Variants in PHF24 observed in about 807,000 individuals in gnomAD.
The protein encoded by PHF24 is Galpha inhibitory interacting protein.
A neutral mutation model predicts 42.6 loss-of-function variants in PHF24; 25 were observed. The observed-to-expected ratio is 0.59, with a 90% CI of 0.43 to 0.82. PHF24 has a LOEUF of 0.82. Among genes scored for constraint, PHF24 ranks in the 40% least tolerant of loss-of-function variants. The probability of loss-of-function intolerance (pLI) is 0.00; values close to 1 mark genes in which losing one functional copy is unlikely to be tolerated. For missense variants in PHF24, 470 were observed against 538.1 expected (o/e 0.87, Z 1.25); for synonymous variants, 185 against 204.8 (o/e 0.90, Z 0.83).
chr9:34,958,064 G>A (rs903109780), upstream of PHF24, among the ~76,000 whole-genome samples: 2 of 149,876 alleles, frequency 1.3e-5, no homozygotes, highest in South Asian at 2.1e-4. The surrounding 1 kb of genome is among the most constrained non-coding windows in gnomAD (Gnocchi z 4.5). Flanking sequence ...ACGCCCGCGC[G>A]CCCGTCGCCG....
chr9:34,792,791 T>G, the PHF24 span, among the ~76,000 whole-genome samples: 1 of 152,216 alleles, frequency 6.6e-6, no homozygotes, highest in Non-Finnish European at 1.5e-5. Context: ...TATCCAGATA[T>G]TCTAACCTTG....
the PHF24 span, among the ~76,000 whole-genome samples, chr9:34,841,094 G>A: frequency 6.6e-6 from 1 of 152,016 alleles, no homozygotes; most frequent in Admixed American, 6.5e-5. Flanking sequence ...CCGCCTCCCG[G>A]GTTCATGCCA....
At chr9:34,699,823 A>G in the PHF24 span, among the ~76,000 whole-genome samples, 1 of 152,272 alleles carries the variant, frequency 6.6e-6, no homozygotes, top group South Asian at 2.1e-4. Flanking sequence ...CTGCTCTTGC[A>G]GAGTTGTTAT....
the PHF24 span, among the ~76,000 whole-genome samples, chr9:34,666,839 G>A: frequency 3.9e-5 from 6 of 152,214 alleles, no homozygotes; most frequent in South Asian, 1.0e-3. Context: ...CCAGCTACTC[G>A]GGAGGCTGAG....
chr9:34,775,923 T>A, the PHF24 span, among the ~76,000 whole-genome samples: 13 of 152,184 alleles, frequency 8.5e-5, no homozygotes, highest in Admixed American at 3.3e-4. Context: ...TAAAAAGGAA[T>A]GAAGTAGTTA....
the PHF24 span, among the ~76,000 whole-genome samples, chr9:34,731,477 T>C: frequency 6.6e-6 from 1 of 151,818 alleles, no homozygotes; most frequent in Non-Finnish European, 1.5e-5. Context: ...CTGGTAACCA[T>C]CATTCTATTC....
the PHF24 span, among the ~76,000 whole-genome samples, chr9:34,795,925 C>T: frequency 2.7e-5 from 4 of 150,886 alleles, no homozygotes; most frequent in African/African-American, 7.3e-5. Context: ...TCACTTGAGC[C>T]GAGGAGGTTG....
the PHF24 span, chr9:34,725,686 C>G: frequency 6.6e-7 from 1 of 1,519,098 alleles, no homozygotes; most frequent in South Asian, 1.3e-5. Context: ...AGGCTTCATA[C>G]TCAGCCAGAG....
At chr9:34,741,240 A>G in the PHF24 span, among the ~76,000 whole-genome samples, 1 of 151,650 alleles carries the variant, frequency 6.6e-6, no homozygotes, top group Non-Finnish European at 1.5e-5. Context: ...ACACACACGT[A>G]TATATATAGA....
chr9:34,957,775 TCTC>T (rs1241927102), upstream of PHF24: 2 of 152,058 alleles, frequency 1.3e-5, no homozygotes, highest in Non-Finnish European at 1.5e-5. Flanking sequence ...GATGAGTCAT[TCTC>T]CCCACCCCGG....
At chr9:34,936,922 C>T in the PHF24 span, among the ~76,000 whole-genome samples, 26 of 151,568 alleles carry the variant, frequency 1.7e-4, no homozygotes, top group East Asian at 4.0e-4. Context: ...GCAGCCACCC[C>T]GTCTGGGAAG....
At chr9:34,897,972 A>G in the PHF24 span, among the ~76,000 whole-genome samples, 3 of 152,154 alleles carry the variant, frequency 2.0e-5, no homozygotes, top group African/African-American at 2.4e-5. Context: ...ATAGTCTCCA[A>G]TCTCATCCAG....
the PHF24 span, among the ~76,000 whole-genome samples, chr9:34,711,303 G>T: frequency 2.6e-5 from 4 of 151,058 alleles, no homozygotes; most frequent in African/African-American, 9.7e-5. Flanking sequence ...CTGGAGTGCG[G>T]TGGCACAATC....
chr9:34,787,622 G>T, the PHF24 span, among the ~76,000 whole-genome samples: 2 of 152,170 alleles, frequency 1.3e-5, no homozygotes, highest in Non-Finnish European at 2.9e-5. Flanking sequence ...ATTGATTGAG[G>T]CTGTAGAAAA....
chr9:34,899,566 C>G, the PHF24 span, among the ~76,000 whole-genome samples: 1 of 152,204 alleles, frequency 6.6e-6, no homozygotes, highest in African/African-American at 2.4e-5. Flanking sequence ...TGCTGCAACT[C>G]AGTGGCAACA....
chr9:34,892,865 G>T, the PHF24 span: 1 of 699,988 alleles, frequency 1.4e-6, no homozygotes, highest in Non-Finnish European at 2.6e-6. Flanking sequence ...CTGGGTTAAA[G>T]ATTTCTGATC....
the PHF24 span, among the ~76,000 whole-genome samples, chr9:34,878,436 G>T: frequency 6.6e-6 from 1 of 152,180 alleles, no homozygotes; most frequent in African/African-American, 2.4e-5. Context: ...CCTGGGAAGC[G>T]CAAGGGGTGG....
the PHF24 span, chr9:34,833,307 T>G: frequency 6.4e-7 from 1 of 1,551,474 alleles, no homozygotes. Flanking sequence ...ATGTCCCCAC[T>G]GGGTTGTGAG....
the PHF24 span, among the ~76,000 whole-genome samples, chr9:34,798,441 C>CACTTACATACAAGTGAGA: frequency 6.6e-6 from 1 of 152,184 alleles, no homozygotes; most frequent in African/African-American, 2.4e-5. Flanking sequence ...GTTTAGCACC[C>CACTTACATACAAGTGAGA]ACTTACAAGT....
Sources: gnomAD v4.1 joint callset for allele counts (sites outside exome capture counted in the v4.1 genomes callset) on GRCh38, gnomAD v4.1.1 for gene constraint, Gnocchi (gnomAD v3.1) non-coding constraint, MANE v1.5 for transcripts, NCBI Gene and HGNC (gene_info 2026-07-23, HGNC 2026-07-21) for gene names.